FAM135B: variants seen among roughly 807,000 people sequenced by gnomAD.
FAM135B encodes protein FAM135B.
In FAM135B, 43 loss-of-function variants were observed where a neutral mutation model predicts 127.7. The ratio of observed to expected loss-of-function variants is 0.34; its 90% CI spans 0.26 to 0.43. FAM135B has a LOEUF of 0.43. Among genes scored for constraint, FAM135B ranks in the 20% least tolerant of loss-of-function variants. The pLI is 1.00. For missense variants in FAM135B, 1,558 were observed against 1,725.6 expected (o/e 0.90, Z 1.72); for synonymous variants, 670 against 665.1 (o/e 1.01, Z -0.11).
rs762609203 is a variant in FAM135B at position 138,412,580 on chromosome 8, G to A, written c.-19-44578C>T. ...CCTTCATGCAGGTGGAATCTGGTCC[G>A]ACTTTGCTTCTGTCTTATATTGTAC... On this transcript the variant is annotated intron_variant, in intron 1 of 19. Coordinates refer to ENST00000395297, the MANE Select transcript of FAM135B (RefSeq NM_015912.4). Among the ~76,000 whole-genome samples, 4 of 152,112 alleles carry A rather than the reference G, an allele frequency of 2.6e-5. No individual in the cohort carries two copies. The South Asian group carries it at 8.3e-4, about 32-fold the overall frequency.
At chr8:138,306,343 G>A (rs907273046) in intron 3 of FAM135B, among the ~76,000 whole-genome samples, 3 of 151,808 alleles carry the variant, frequency 2.0e-5, no homozygotes, top group Non-Finnish European at 2.9e-5. Context: ...GCTGAGGCAG[G>A]GGAATCATTT....
At chr8:138,450,162 C>T (rs1269123437) in intron 1 of FAM135B, among the ~76,000 whole-genome samples, 1 of 152,200 alleles carries the variant, frequency 6.6e-6, no homozygotes, top group Non-Finnish European at 1.5e-5. Flanking sequence ...TCCTCCATGT[C>T]TTTTCATGGC....
chr8:138,268,498 C>T (rs1018636739), intron 3 of FAM135B, among the ~76,000 whole-genome samples: 5 of 152,112 alleles, frequency 3.3e-5, no homozygotes, highest in African/African-American at 9.7e-5. Context: ...AATAGGGCAT[C>T]GCATAGAACA....
Position 138,197,627 on chromosome 8 carries a change from G to A in FAM135B, c.712C>T (p.His238Tyr), listed in dbSNP as rs777900338. Residue 238 changes from histidine (H) to tyrosine (Y), a missense_variant, in exon 8 of 20, where the codon CAC becomes TAC. Transcript: ENST00000395297. ...ITSENCMQHA[H>Y]KWHRDLCLLL... ...AGGCACAGGTCTCGGTGCCACTTGT[G>A]TGCGTGCTGCATGCAGTTCTCAGAG... The A allele has an allele frequency of 5.6e-6, 9 of 1,614,076 alleles. No homozygotes were observed. The highest frequency in any genetic ancestry group is 7.6e-6 in the Non-Finnish European group (9 of 1,180,040).
chr8:138,311,519 TA>T (rs1826684227), intron 2 of FAM135B, among the ~76,000 whole-genome samples: 1 of 152,256 alleles, frequency 6.6e-6, no homozygotes, highest in South Asian at 2.1e-4. Flanking sequence ...TTGCCCCAAG[TA>T]CAGAAGCATC....
At chr8:138,172,047 G>T (rs1820506479) in intron 11 of FAM135B, among the ~76,000 whole-genome samples, 1 of 152,120 alleles carries the variant, frequency 6.6e-6, no homozygotes. Flanking sequence ...TGTGTTTTCT[G>T]GTGTTCTGTG....
rs963316478 is a variant in FAM135B, at chr8:138,190,051, C to T, written c.873+5207G>A. ...CCTCCAGTCTCTGACTCTTTGCAGACAGCCCCTCGTCTGCTCCGCTGCCTG... is the reference window on the plus strand; with the variant it reads ...CCTCCAGTCTCTGACTCTTTGCAGATAGCCCCTCGTCTGCTCCGCTGCCTG... On this transcript the variant is annotated intron_variant, in intron 9 of 19. Transcript: ENST00000395297. 9.2e-5 allele frequency among the ~76,000 whole-genome samples: 14 copies of T among 152,292 alleles called. No homozygotes were observed. In the South Asian group the frequency reaches 2.7e-3, roughly 29 times the overall value.
intron 2 of FAM135B, among the ~76,000 whole-genome samples, chr8:138,317,573 T>G (rs1827187285): frequency 6.6e-6 from 1 of 152,206 alleles, no homozygotes; most frequent in Non-Finnish European, 1.5e-5. Context: ...ATTCTACAAC[T>G]AACTCAAAAT....
At chr8:138,485,380 A>G (rs995249528) in intron 1 of FAM135B, among the ~76,000 whole-genome samples, 1 of 152,174 alleles carries the variant, frequency 6.6e-6, no homozygotes, top group Admixed American at 6.5e-5. Flanking sequence ...GAAGAGTCGC[A>G]TCGAGGTTCC....
chr8:138,443,741 T>C (rs1317011350), intron 1 of FAM135B, among the ~76,000 whole-genome samples: 1 of 152,110 alleles, frequency 6.6e-6, no homozygotes, highest in East Asian at 1.9e-4. Context: ...TTATGTCAGG[T>C]AAGACGCAGG....
chr8:138,407,483 C>A (rs1250702497), intron 1 of FAM135B, among the ~76,000 whole-genome samples: 1 of 152,188 alleles, frequency 6.6e-6, no homozygotes, highest in Non-Finnish European at 1.5e-5. Context: ...AAGCCGGAGG[C>A]ATCACGCTAC....
At chr8:138,367,793 C>A in intron 2 of FAM135B, 114 bp downstream of exon 2, 1 of 777,762 alleles carries the variant, frequency 1.3e-6, no homozygotes, top group Admixed American at 2.4e-5. Context: ...ATCTTTTCTT[C>A]GTTAGTCCCA....
chr8:138,248,804 A>G (rs1384040469), intron 6 of FAM135B, among the ~76,000 whole-genome samples: 1 of 143,278 alleles, frequency 7.0e-6, no homozygotes, highest in Non-Finnish European at 1.5e-5. Context: ...TGGGTGACAG[A>G]CAGAGTGAGA....
At chr8:138,185,784 C>T (rs1340640553) in intron 9 of FAM135B, among the ~76,000 whole-genome samples, 2 of 152,186 alleles carry the variant, frequency 1.3e-5, no homozygotes, top group Non-Finnish European at 2.9e-5. Flanking sequence ...ACATTGCTCT[C>T]CAGTTGATAC....
At chr8:138,392,513 AC>A (rs1329195373) in intron 1 of FAM135B, among the ~76,000 whole-genome samples, 1 of 151,988 alleles carries the variant, frequency 6.6e-6, no homozygotes, top group Non-Finnish European at 1.5e-5. Context: ...ACTGCAATCA[AC>A]CTGTCCACCT....
At position 138,231,556 on chromosome 8, in the gene FAM135B, G is replaced by A. The variant is rs59822176; in HGVS notation, c.669+11386C>T. 9.4e-3 allele frequency among the ~76,000 whole-genome samples: 1,426 copies of A among 152,282 alleles called. 20 individuals carry two copies. Among genetic ancestry groups the A allele is most frequent in the African/African-American group, 0.03 (1,265 of 41,534 alleles). ...TATTTCTCTGATGACTCCGTGCTAG[G>A]TGCAGAATGTGACAGATATGGCTTC... On this transcript the variant is annotated intron_variant, in intron 7 of 19. Coordinates refer to ENST00000395297, the MANE Select transcript of FAM135B (RefSeq NM_015912.4).
chr8:138,474,698 C>G (rs1354562130), intron 1 of FAM135B, among the ~76,000 whole-genome samples: 1 of 152,206 alleles, frequency 6.6e-6, no homozygotes, highest in Non-Finnish European at 1.5e-5. Context: ...TCTGCCTCCT[C>G]TTCCCTTTTT....
At chr8:138,201,740 A>G (rs1450322170) in intron 7 of FAM135B, among the ~76,000 whole-genome samples, 1 of 152,168 alleles carries the variant, frequency 6.6e-6, no homozygotes, top group Non-Finnish European at 1.5e-5. Context: ...AACGAGAATC[A>G]AGCAGGCAGG....
chr8:138,405,082 T>A (rs1833386545), intron 1 of FAM135B, among the ~76,000 whole-genome samples: 1 of 152,128 alleles, frequency 6.6e-6, no homozygotes, highest in Admixed American at 6.6e-5. Flanking sequence ...AACTTGAAAG[T>A]CAAAATTACC....
Sources: allele counts gnomAD v4.1 joint callset (sites outside exome capture counted in the v4.1 genomes callset), GRCh38; gene constraint gnomAD v4.1.1; transcripts MANE v1.5; gene names NCBI Gene and HGNC (gene_info 2026-07-23, HGNC 2026-07-21).